The following PPP1R9A variants were observed in gnomAD, a reference collection of about 807,000 sequenced individuals.
PPP1R9A encodes protein phosphatase 1 regulatory subunit 9A, also known as neurabin-1.
In PPP1R9A, 59 loss-of-function variants were observed where a neutral mutation model predicts 141.9. That is an observed-to-expected ratio of 0.42 (90% confidence interval 0.34 to 0.52). The LOEUF is 0.52. Ranked by LOEUF, PPP1R9A falls within the 20% of genes least tolerant of loss-of-function variation. The pLI, the probability that PPP1R9A is intolerant of heterozygous loss-of-function variation, is 0.10. For missense variants in PPP1R9A, 1,444 were observed against 1,611.9 expected (o/e 0.90, Z 1.78); for synonymous variants, 500 against 569.7 (o/e 0.88, Z 1.74).
intron 5 of PPP1R9A, among the ~76,000 whole-genome samples, chr7:95,179,480 C>G (rs756393984): frequency 2.0e-5 from 3 of 152,070 alleles, no homozygotes; most frequent in Non-Finnish European, 4.4e-5. Flanking sequence ...AGGATGCCCA[C>G]TCTCACCACT....
chr7:95,192,691 G>GGT (rs1271565763), intron 5 of PPP1R9A, among the ~76,000 whole-genome samples: 2 of 151,988 alleles, frequency 1.3e-5, no homozygotes, highest in African/African-American at 4.8e-5. Flanking sequence ...AGAATCAGTA[G>GGT]GTGGTATTTA....
intron 2 of PPP1R9A, among the ~76,000 whole-genome samples, chr7:94,913,899 T>TA (rs1791750548): frequency 6.6e-6 from 1 of 152,156 alleles, no homozygotes; most frequent in South Asian, 2.1e-4. Flanking sequence ...TTAAAATCCA[T>TA]AAAAAACAGT....
chr7:95,044,547 ATT>A lies in PPP1R9A; in HGVS notation c.1396-66696_1396-66695del, dbSNP rs113379313. On this transcript the variant is annotated intron_variant, in intron 2 of 19. Transcript: ENST00000433360. ...GATATTATTAACTATTTTTTTCAGG[ATT>A]TTTTTTTTTTTTTTTGAGACAGTCT... 8.2e-3 allele frequency among the ~76,000 whole-genome samples: 1,090 copies of A among 132,166 alleles called. 21 individuals carry two copies. The highest frequency in any genetic ancestry group is 0.038 in the East Asian group (178 of 4,722). The allele number at this position is 132,166 out of a possible 152,430, so 86.7% of individuals were successfully genotyped here. A position where few individuals can be genotyped will look rare whatever the true frequency, so the allele number is the denominator to read the frequency against.
Position 94,910,207 on chromosome 7 carries a change from A to G in PPP1R9A, c.94A>G (p.Ser32Gly). ...AYRTEFQALK[S>G]TFDKPKSDGE... ...TCGAACTGAGTTTCAGGCACTGAAA[A>G]GTACCTTTGACAAACCCAAGTCAGA... is the stretch of plus-strand genomic sequence containing the variant. Residue 32 changes from serine to glycine, a missense_variant, in exon 2 of 20, where the codon AGT becomes GGT. By Grantham distance (56) the Ser-to-Gly change is moderately conservative. This residue lies in a region of PPP1R9A where 490 missense variants were observed against 521.1 expected (regional missense o/e 0.94). Transcript: ENST00000433360. The surrounding 1 kb of genome is among the most constrained non-coding windows in gnomAD (Gnocchi z 4.5). The G allele has an allele frequency of 1.2e-6, 2 of 1,614,130 alleles. No individual in the cohort carries two copies. Among genetic ancestry groups the G allele is most frequent in the Non-Finnish European group, 1.7e-6 (2 of 1,180,020 alleles).
chr7:95,252,752 G>A (rs749669788), intron 12 of PPP1R9A, among the ~76,000 whole-genome samples: 5 of 152,144 alleles, frequency 3.3e-5, no homozygotes, highest in Non-Finnish European at 7.3e-5. Flanking sequence ...ACAGGCATGA[G>A]CCACCGCGCC....
chr7:94,985,091 C>T (rs779605877), intron 2 of PPP1R9A, among the ~76,000 whole-genome samples: 35 of 152,090 alleles, frequency 2.3e-4, no homozygotes, highest in Middle Eastern at 6.3e-3. Flanking sequence ...TTGTTATTTA[C>T]CCAGTCGTCA....
chr7:95,145,044 C>G (rs759228285), intron 4 of PPP1R9A, among the ~76,000 whole-genome samples: 1 of 152,094 alleles, frequency 6.6e-6, no homozygotes, highest in Non-Finnish European at 1.5e-5. Flanking sequence ...GAAAGATATG[C>G]ACACTGAAAA....
At chr7:95,176,254 A>G (rs2152769319) in intron 5 of PPP1R9A, among the ~76,000 whole-genome samples, 1 of 152,224 alleles carries the variant, frequency 6.6e-6, no homozygotes, top group Non-Finnish European at 1.5e-5. Context: ...GAAGAGAGAT[A>G]ACAGTAACTA....
chr7:95,207,272 T>G (rs956870777), intron 7 of PPP1R9A, among the ~76,000 whole-genome samples: 1 of 152,078 alleles, frequency 6.6e-6, no homozygotes, highest in African/African-American at 2.4e-5. Flanking sequence ...CAAAATCATT[T>G]TATTATCAAT....
At chr7:95,077,640 A>G (rs541500509) in intron 2 of PPP1R9A, among the ~76,000 whole-genome samples, 1 of 152,324 alleles carries the variant, frequency 6.6e-6, no homozygotes, top group South Asian at 2.1e-4. Context: ...ACAAACAAAC[A>G]GAAGTTTATT....
intron 2 of PPP1R9A, among the ~76,000 whole-genome samples, chr7:95,087,156 T>C (rs1039115701): frequency 6.6e-6 from 1 of 151,996 alleles, no homozygotes; most frequent in Non-Finnish European, 1.5e-5. Context: ...CTAACACACT[T>C]AGTGTAGTTG....
intron 5 of PPP1R9A, among the ~76,000 whole-genome samples, chr7:95,178,789 A>C (rs1243394591): frequency 6.6e-6 from 1 of 152,146 alleles, no homozygotes; most frequent in Non-Finnish European, 1.5e-5. Flanking sequence ...GAGATGGATA[A>C]ATTCTTTGTA....
At chr7:95,100,463 G>A (rs1818617175) in intron 2 of PPP1R9A, among the ~76,000 whole-genome samples, 1 of 152,204 alleles carries the variant, frequency 6.6e-6, no homozygotes, top group Non-Finnish European at 1.5e-5. Flanking sequence ...AGAGGACTTA[G>A]TAAGCAGCGT....
chr7:95,271,614 A>C (rs1458344923), intron 14 of PPP1R9A, among the ~76,000 whole-genome samples: 1 of 152,196 alleles, frequency 6.6e-6, no homozygotes, highest in Admixed American at 6.5e-5. Flanking sequence ...ATAAAGGAAG[A>C]GATAGTCAAG....
intron 5 of PPP1R9A, among the ~76,000 whole-genome samples, chr7:95,170,818 A>C (rs1451355861): frequency 6.6e-6 from 1 of 151,666 alleles, no homozygotes; most frequent in Non-Finnish European, 1.5e-5. Context: ...AATATAGGCT[A>C]CTTCATTTTT....
chr7:94,916,294 A>T (rs140823355), intron 2 of PPP1R9A, among the ~76,000 whole-genome samples: 186 of 152,332 alleles, frequency 1.2e-3, no homozygotes, highest in African/African-American at 4.4e-3. Flanking sequence ...AACCACGTTA[A>T]CAGTATGTCT....
At chr7:95,009,055 A>C (rs537523457) in intron 2 of PPP1R9A, among the ~76,000 whole-genome samples, 2 of 152,316 alleles carry the variant, frequency 1.3e-5, no homozygotes, top group South Asian at 4.1e-4. Context: ...GCAAGGACAG[A>C]AAACCAAACA....
chr7:95,092,128 C>T (rs11984174), intron 2 of PPP1R9A, among the ~76,000 whole-genome samples: 2,261 of 152,214 alleles, frequency 0.015, 45 homozygotes, highest in African/African-American at 0.051. Context: ...TGAAGGAAAA[C>T]GCCATTCAAG....
chr7:95,019,757 A>G (rs1563128435), intron 2 of PPP1R9A, among the ~76,000 whole-genome samples: 2 of 152,186 alleles, frequency 1.3e-5, no homozygotes, highest in Non-Finnish European at 2.9e-5. Flanking sequence ...GAAATTATAT[A>G]TATCGCTGAA....
Sources: allele counts gnomAD v4.1 joint callset (sites outside exome capture counted in the v4.1 genomes callset), GRCh38; gene constraint gnomAD v4.1.1; regional missense constraint gnomAD v4.1.1; non-coding constraint Gnocchi (gnomAD v3.1); transcripts MANE v1.5; gene names NCBI Gene and HGNC (gene_info 2026-07-23, HGNC 2026-07-21).